Variants in UBE3D observed in about 807,000 individuals in gnomAD.
The protein encoded by UBE3D is E3 ubiquitin-protein ligase E3D.
Under a neutral mutation model 49.6 loss-of-function variants are expected in UBE3D, and 48 were observed. The ratio of observed to expected loss-of-function variants is 0.97; its 90% confidence interval spans 0.77 to 1.23. The LOEUF is 1.23. UBE3D is among the 50% of genes most tolerant of loss of function. The pLI, the probability that UBE3D is intolerant of heterozygous loss-of-function variation, is 0.00. For synonymous variants in UBE3D, 189 were observed against 174.2 expected (o/e 1.08, Z -0.67); for missense variants, 452 against 468.4 (o/e 0.96, Z 0.32).
intron 8 of UBE3D, among the ~76,000 whole-genome samples, chr6:82,958,200 C>CCCA (rs2127775197): frequency 6.6e-6 from 1 of 152,146 alleles, no homozygotes; most frequent in Non-Finnish European, 1.5e-5. Flanking sequence ...GGGCTAGAAT[C>CCCA]CTGGCTTCCT....
intron 1 of UBE3D, among the ~76,000 whole-genome samples, chr6:83,062,022 T>C (rs1041066389): frequency 5.9e-5 from 9 of 152,200 alleles, no homozygotes; most frequent in African/African-American, 2.2e-4. Context: ...GATTGTAACT[T>C]TTTTCTCCCC....
At chr6:82,906,056 T>G (rs1201925456) in intron 9 of UBE3D, among the ~76,000 whole-genome samples, 2 of 152,162 alleles carry the variant, frequency 1.3e-5, no homozygotes, top group African/African-American at 4.8e-5. Context: ...CACAATGCCA[T>G]GATCACATTT....
chr6:82,907,951 G>A (rs960539967), intron 9 of UBE3D, among the ~76,000 whole-genome samples: 4 of 152,086 alleles, frequency 2.6e-5, no homozygotes, highest in African/African-American at 9.7e-5. Context: ...CCATTAACAG[G>A]AGAACTGATG....
At chr6:82,918,590 T>TA (rs895845109) in intron 9 of UBE3D, among the ~76,000 whole-genome samples, 2 of 152,192 alleles carry the variant, frequency 1.3e-5, no homozygotes, top group Non-Finnish European at 2.9e-5. Flanking sequence ...ATCATTGAGA[T>TA]AAATACTAGT....
At chr6:82,932,010 T>G (rs182837368) in intron 9 of UBE3D, among the ~76,000 whole-genome samples, 3 of 152,258 alleles carry the variant, frequency 2.0e-5, no homozygotes, top group African/African-American at 7.2e-5. Flanking sequence ...TGAGTTCTCA[T>G]GAGATAAAAT....
At chr6:82,883,078 C>G in the UBE3D span, among the ~76,000 whole-genome samples, 1 of 152,124 alleles carries the variant, frequency 6.6e-6, no homozygotes, top group African/African-American at 2.4e-5. Flanking sequence ...TCATCTAAGA[C>G]CATATAATCT....
At chr6:83,054,727 C>T (rs1783702329) in intron 2 of UBE3D, among the ~76,000 whole-genome samples, 1 of 152,074 alleles carries the variant, frequency 6.6e-6, no homozygotes, top group South Asian at 2.1e-4. Flanking sequence ...CCTGGGCTCA[C>T]TGCAATCTCT....
chr6:83,054,193 C>A lies in UBE3D; in HGVS notation c.320G>T (p.Cys107Phe), dbSNP rs776522640. The change falls in exon 3 of 10, where the codon TGC becomes TTC. Residue 107 changes from cysteine to phenylalanine, a missense_variant. Cys to Phe is a radical substitution (Grantham distance 205). Transcript: ENST00000369747. ...FNQSSQTQEC[C>F]TFYCQSCGEV... ...ACCGCAGGATTGGCAATAAAACGTG[C>A]AACATTCTTGGGTTTGCGAGCTTTG... 6.2e-7 allele frequency: 1 copy of A among 1,613,766 alleles called. No homozygotes were observed. The highest frequency in any genetic ancestry group is 1.3e-5 in the African/African-American group (1 of 74,840).
At chr6:82,923,281 T>A (rs1297827587) in intron 9 of UBE3D, among the ~76,000 whole-genome samples, 1 of 152,228 alleles carries the variant, frequency 6.6e-6, no homozygotes, top group Admixed American at 6.5e-5. Flanking sequence ...GCAGCACTAT[T>A]CACAATAGCA....
At position 83,063,714 on chromosome 6, in the gene UBE3D, C is replaced by T. The variant is rs548727509; in HGVS notation, c.77+1928G>A. ...TTTACACACACTAGAATGGTTCAAA[C>T]TAAAAGGACTGATAATACTAAATGT... On this transcript the variant is annotated intron_variant, in intron 1 of 9. Transcript: ENST00000369747. 2.0e-5 allele frequency among the ~76,000 whole-genome samples: 3 copies of T among 152,202 alleles called. No individual in the cohort carries two copies. In the South Asian group the frequency reaches 6.2e-4, roughly 32 times the overall value.
chr6:82,974,537 A>AT (rs1021174533), intron 8 of UBE3D, among the ~76,000 whole-genome samples: 3 of 152,032 alleles, frequency 2.0e-5, no homozygotes, highest in African/African-American at 7.2e-5. Context: ...TTAAATTTGT[A>AT]TTTTTTTATT....
chr6:83,022,082 A>G (rs1184706762), intron 7 of UBE3D, among the ~76,000 whole-genome samples: 1 of 151,920 alleles, frequency 6.6e-6, no homozygotes, highest in Non-Finnish European at 1.5e-5. Context: ...GCTTGAGTGC[A>G]GCGGCACCAT....
chr6:82,937,475 T>C (rs995548745), intron 9 of UBE3D, among the ~76,000 whole-genome samples: 2 of 152,160 alleles, frequency 1.3e-5, no homozygotes, highest in African/African-American at 4.8e-5. Context: ...TTAGCCTCCT[T>C]TCCAAGGAAG....
In UBE3D at chr6:82,957,450, T is replaced by C; in HGVS notation, c.1011A>G (p.Lys337=). Residue 337 remains lysine (K), a splice_region_variant and synonymous_variant, in exon 9 of 10, where the codon AAA becomes AAG. Transcript: ENST00000369747. ...TGTCACTTTCCCACAAGCTGACAAG[T>C]CTGGAACACACCAACACATTAACTT... ...YQPCIKSRNE[K]LVSLWESDIS... The C allele has an allele frequency of 6.2e-7, 1 of 1,612,574 alleles. No homozygotes were observed. The highest frequency in any genetic ancestry group is 1.7e-5 in the Admixed American group (1 of 59,636).
intron 9 of UBE3D, among the ~76,000 whole-genome samples, chr6:82,920,512 A>T (rs1157632424): frequency 6.6e-6 from 1 of 152,232 alleles, no homozygotes; most frequent in East Asian, 1.9e-4. Context: ...TTCCTTGATG[A>T]CCCAAGGTCA....
At chr6:83,062,434 CAAG>C (rs1390344877) in intron 1 of UBE3D, among the ~76,000 whole-genome samples, 1 of 152,162 alleles carries the variant, frequency 6.6e-6, no homozygotes, top group African/African-American at 2.4e-5. Context: ...TTAATCTATT[CAAG>C]AAGAATCTGC....
chr6:83,021,846 G>A (rs1781117863), intron 7 of UBE3D, among the ~76,000 whole-genome samples: 1 of 151,770 alleles, frequency 6.6e-6, no homozygotes, highest in Admixed American at 6.6e-5. Flanking sequence ...TCCAGTCTGA[G>A]CGACAGAGTG....
chr6:82,993,840 A>G (rs1392376182), intron 8 of UBE3D, among the ~76,000 whole-genome samples: 2 of 152,238 alleles, frequency 1.3e-5, no homozygotes, highest in East Asian at 3.8e-4. Flanking sequence ...TCAAAAGTGT[A>G]TTCTCTGGAC....
chr6:82,949,072 T>C (rs539642009), intron 9 of UBE3D, among the ~76,000 whole-genome samples: 1 of 152,062 alleles, frequency 6.6e-6, no homozygotes, highest in Non-Finnish European at 1.5e-5. Flanking sequence ...AAGGAACAAA[T>C]CAAGTTATCC....
Sources: allele counts gnomAD v4.1 joint callset (sites outside exome capture counted in the v4.1 genomes callset), GRCh38; gene constraint gnomAD v4.1.1; transcripts MANE v1.5; gene names NCBI Gene and HGNC (gene_info 2026-07-23, HGNC 2026-07-21).